Variants in CNTN4 observed in about 807,000 individuals in gnomAD.
CNTN4 encodes the protein contactin 4.
Under a neutral mutation model 122.5 loss-of-function variants are expected in CNTN4, and 77 were observed. The observed-to-expected ratio is 0.63, with a 90% CI of 0.52 to 0.76. CNTN4 has a LOEUF of 0.76. Among genes scored for constraint, CNTN4 ranks in the 30% least tolerant of loss-of-function variants. CNTN4 has a pLI of 0.00. For synonymous variants in CNTN4, 512 were observed against 447.0 expected (o/e 1.15, Z -1.83); for missense variants, 1,256 against 1,259.1 (o/e 1.00, Z 0.04).
intron 7 of CNTN4, among the ~76,000 whole-genome samples, chr3:2,822,584 C>T (rs797003422): frequency 3.3e-5 from 5 of 152,312 alleles, no homozygotes; most frequent in African/African-American, 7.2e-5. Context: ...CTGCAGGCTA[C>T]CTTCATTGCA....
intron 3 of CNTN4, among the ~76,000 whole-genome samples, chr3:2,355,870 T>C (rs2044849573): frequency 6.6e-6 from 1 of 152,188 alleles, no homozygotes; most frequent in Non-Finnish European, 1.5e-5. Context: ...ATTCAGAAAA[T>C]TGCCATCAAT....
chr3:2,240,200 A>T (rs912880848), intron 2 of CNTN4, among the ~76,000 whole-genome samples: 1 of 152,302 alleles, frequency 6.6e-6, no homozygotes, highest in Middle Eastern at 3.4e-3. Flanking sequence ...TACTCTGGCC[A>T]TTTAAAAAAC....
At chr3:2,172,557 A>C (rs150146428) in intron 2 of CNTN4, among the ~76,000 whole-genome samples, 41 of 152,328 alleles carry the variant, frequency 2.7e-4, no homozygotes, top group African/African-American at 8.9e-4. Context: ...TGAAATAAAA[A>C]ACAAAAAAAA....
chr3:2,500,346 T>C (rs1050584021), intron 3 of CNTN4, among the ~76,000 whole-genome samples: 1 of 152,120 alleles, frequency 6.6e-6, no homozygotes, highest in Non-Finnish European at 1.5e-5. Flanking sequence ...TCAGTAATTG[T>C]GTAGATTTCT....
intron 4 of CNTN4, among the ~76,000 whole-genome samples, chr3:2,594,577 C>A (rs567754056): frequency 6.6e-6 from 1 of 152,178 alleles, no homozygotes; most frequent in South Asian, 2.1e-4. Flanking sequence ...TGCCACCACA[C>A]CCGGCTAATA....
intron 7 of CNTN4, among the ~76,000 whole-genome samples, chr3:2,863,429 C>T (rs1336035036): frequency 2.4e-5 from 3 of 126,382 alleles, no homozygotes; most frequent in Non-Finnish European, 4.9e-5. Flanking sequence ...CTCTTCTTGG[C>T]ATCTATGGTT....
intron 3 of CNTN4, among the ~76,000 whole-genome samples, chr3:2,518,856 A>ATC (rs1451794000): frequency 6.6e-6 from 1 of 152,154 alleles, no homozygotes; most frequent in African/African-American, 2.4e-5. Flanking sequence ...ATAGAAGAAA[A>ATC]TCATACAGAT....
At chr3:2,399,872 A>G (rs531101974) in intron 3 of CNTN4, among the ~76,000 whole-genome samples, 1 of 152,230 alleles carries the variant, frequency 6.6e-6, no homozygotes, top group South Asian at 2.1e-4. Context: ...AGCTTACCAC[A>G]TAATCATGCT....
intron 3 of CNTN4, among the ~76,000 whole-genome samples, chr3:2,496,251 C>T (rs555507418): frequency 7.8e-4 from 118 of 151,998 alleles, no homozygotes; most frequent in Middle Eastern, 6.8e-3. Flanking sequence ...TGCTTACAGT[C>T]GATATTGATT....
At chr3:2,593,441 T>C (rs1207889961) in intron 4 of CNTN4, among the ~76,000 whole-genome samples, 1 of 152,200 alleles carries the variant, frequency 6.6e-6, no homozygotes, top group Non-Finnish European at 1.5e-5. Context: ...GGTATAATTT[T>C]CCCATGGTAA....
intron 2 of CNTN4, among the ~76,000 whole-genome samples, chr3:2,333,365 G>C (rs2043815238): frequency 6.6e-6 from 1 of 152,224 alleles, no homozygotes; most frequent in Non-Finnish European, 1.5e-5. Flanking sequence ...ATCTCAGGGA[G>C]AGCCACTGTT....
intron 3 of CNTN4, among the ~76,000 whole-genome samples, chr3:2,519,889 G>A (rs2077149450): frequency 6.6e-6 from 1 of 152,236 alleles, no homozygotes; most frequent in East Asian, 1.9e-4. Flanking sequence ...TCATGAAGTG[G>A]CATATACTCT....
chr3:2,951,027 T>G (rs921279222), intron 13 of CNTN4, among the ~76,000 whole-genome samples: 1 of 152,238 alleles, frequency 6.6e-6, no homozygotes, highest in African/African-American at 2.4e-5. Flanking sequence ...TCTCGAAACC[T>G]AATTCCCCAT....
intron 6 of CNTN4, among the ~76,000 whole-genome samples, chr3:2,770,903 C>A (rs765586547): frequency 1.6e-4 from 24 of 152,326 alleles, no homozygotes; most frequent in Admixed American, 4.6e-4. Context: ...GTGATAGTAA[C>A]AATGTGTTTT....
At chr3:2,380,539 G>A (rs1322823012) in intron 3 of CNTN4, among the ~76,000 whole-genome samples, 1 of 152,096 alleles carries the variant, frequency 6.6e-6, no homozygotes, top group Non-Finnish European at 1.5e-5. Context: ...ATTTTAATTG[G>A]TTTATCTGAA....
chr3:2,854,297 A>G (rs1424110500), intron 7 of CNTN4, among the ~76,000 whole-genome samples: 4 of 90,746 alleles, frequency 4.4e-5, no homozygotes, highest in Non-Finnish European at 8.4e-5. Context: ...TTTGAGACAG[A>G]GTTTTGCTCT....
In CNTN4 at chr3:2,187,514, G is replaced by A. The variant is rs558059501; in HGVS notation, c.-145+86875G>A. On this transcript the variant is annotated intron_variant, in intron 2 of 24. Transcript: ENST00000418658. ...GCTATGGCTGGAGTCCCTTGGGGGC[G>A]TGATTCCCATTCTTATTCCTAGGTT... Among the ~76,000 whole-genome samples the A allele has an allele frequency of 8.5e-5, 13 of 152,228 alleles. No individual in the cohort carries two copies. In the South Asian group the frequency reaches 1.5e-3, roughly 17 times the overall value.
chr3:3,048,361 C>T (rs973349461), intron 23 of CNTN4, among the ~76,000 whole-genome samples: 8 of 152,156 alleles, frequency 5.3e-5, no homozygotes, highest in South Asian at 2.1e-4. Flanking sequence ...TTAAAGTATA[C>T]GGAAAGATAT....
chr3:2,177,585 A>G (rs1005162754), intron 2 of CNTN4, among the ~76,000 whole-genome samples: 1 of 151,846 alleles, frequency 6.6e-6, no homozygotes, highest in Non-Finnish European at 1.5e-5. Flanking sequence ...TTGGCTACTT[A>G]GGTTTATCTT....
Sources: allele counts gnomAD v4.1 joint callset (sites outside exome capture counted in the v4.1 genomes callset), GRCh38; gene constraint gnomAD v4.1.1; transcripts MANE v1.5; gene names NCBI Gene and HGNC (gene_info 2026-07-23, HGNC 2026-07-21).